PIGX: variants seen among roughly 807,000 people sequenced by gnomAD.
PIGX encodes GPI alpha-1,4-mannosyltransferase I, stabilizing subunit.
Under a neutral mutation model 28.7 loss-of-function variants are expected in PIGX, and 24 were observed. The observed-to-expected ratio is 0.84, with a 90% CI of 0.60 to 1.17. The LOEUF is 1.17. Ranked by LOEUF, PIGX falls within the 50% of genes most tolerant of loss-of-function variation. The pLI, the probability that PIGX is intolerant of heterozygous loss-of-function variation, is 0.00. For missense variants in PIGX, 305 were observed against 317.8 expected (o/e 0.96, Z 0.31); for synonymous variants, 127 against 121.0 (o/e 1.05, Z -0.33).
chr3:196,733,063 TAGAG>T lies in PIGX; in HGVS notation c.634-692_634-689del, dbSNP rs2108692247. Among the ~76,000 whole-genome samples, 1 of 152,324 alleles carries T rather than the reference TAGAG, an allele frequency of 6.6e-6. No homozygotes were observed. Among genetic ancestry groups the T allele is most frequent in the South Asian group, 2.1e-4 (1 of 4,830 alleles). Reference sequence around the variant, plus strand: ...ATGTTTTTCCTCTAAGTCTTCAATTTAGAGAGAATTCTGTATTCTAATTTGAAAC... The same window carrying T: ...ATGTTTTTCCTCTAAGTCTTCAATTTAGAATTCTGTATTCTAATTTGAAAC... On this transcript the variant is annotated intron_variant, in intron 5 of 5. Coordinates refer to ENST00000392391, the MANE Select transcript of PIGX (RefSeq NM_017861.4). This position sits in a 1 kb window ranked among gnomAD's most constrained non-coding sequence, Gnocchi z 4.3.
chr3:196,731,058 A>C lies in PIGX; in HGVS notation c.599A>C (p.Asp200Ala). The change falls in exon 5 of 6, where the codon GAT (aspartate) becomes GCT (alanine). Residue 200 changes from aspartate to alanine, a missense_variant. By Grantham distance (126) the Asp-to-Ala change is moderately radical. Transcript: ENST00000392391. ...GCCCCTTGTGCTTTGGAGAATGAGGATATCTGCCAATGGAACAAGATGAAG... is the reference window on the plus strand; with the variant it reads ...GCCCCTTGTGCTTTGGAGAATGAGGCTATCTGCCAATGGAACAAGATGAAG... The C allele has an allele frequency of 1.9e-6, 3 of 1,606,056 alleles. No individual in the cohort carries two copies. The highest frequency in any genetic ancestry group is 2.6e-6 in the Non-Finnish European group (3 of 1,172,798).
Position 196,733,022 on chromosome 3 carries a change from G to GT in PIGX, c.634-731dup, listed in dbSNP as rs1372974196. Among the ~76,000 whole-genome samples the GT allele has an allele frequency of 1.3e-5, 2 of 152,134 alleles. No homozygotes were observed. The highest frequency in any genetic ancestry group is 2.9e-5 in the Non-Finnish European group (2 of 68,016). On this transcript the variant is annotated intron_variant, in intron 5 of 5. Coordinates refer to ENST00000392391, the MANE Select transcript of PIGX (RefSeq NM_017861.4). This position sits in a 1 kb window ranked among gnomAD's most constrained non-coding sequence, Gnocchi z 4.3. Reference sequence around the variant, plus strand: ...CAAATGGGAATGAAAGAATAATTTAGTTTTTTGTTGTTTTAATGTTTTTCC... The same window carrying GT: ...CAAATGGGAATGAAAGAATAATTTAGTTTTTTTGTTGTTTTAATGTTTTTCC...
chr3:196,731,758 A>G (rs1712765066), intron 5 of PIGX, among the ~76,000 whole-genome samples: 1 of 152,122 alleles, frequency 6.6e-6, no homozygotes, highest in African/African-American at 2.4e-5. Context: ...TGATTTAGCA[A>G]ATTAGTGTGT....
At chr3:196,729,325 T>C (rs1453027502) in intron 4 of PIGX, among the ~76,000 whole-genome samples, 2 of 130,768 alleles carry the variant, frequency 1.5e-5, no homozygotes, top group East Asian at 4.4e-4. Context: ...AGAGCGAGAC[T>C]GCGTCTCAAA....
At chr3:196,714,565 G>A (rs1198904787) in intron 1 of PIGX, among the ~76,000 whole-genome samples, 1 of 151,338 alleles carries the variant, frequency 6.6e-6, no homozygotes, top group Non-Finnish European at 1.5e-5. Context: ...AGGTTCAAGC[G>A]ATTCTCCTGC....
At chr3:196,732,264 T>A (rs1181502288) in intron 5 of PIGX, among the ~76,000 whole-genome samples, 11 of 51,610 alleles carry the variant, frequency 2.1e-4, no homozygotes, top group African/African-American at 3.6e-4. Flanking sequence ...ATATTTTATT[T>A]TATTTTATTT....
intron 3 of PIGX, chr3:196,726,756 C>G (rs1214614058): frequency 2.2e-6 from 1 of 452,608 alleles, no homozygotes; most frequent in Non-Finnish European, 4.4e-6. Context: ...GCAAGAACAA[C>G]TGGTAAATGT....
intron 4 of PIGX, among the ~76,000 whole-genome samples, chr3:196,729,758 T>G (rs1367800241): frequency 4.6e-5 from 7 of 151,516 alleles, no homozygotes; most frequent in African/African-American, 1.7e-4. Context: ...TGGGTTGATT[T>G]AGAATGTTTA....
intron 4 of PIGX, among the ~76,000 whole-genome samples, chr3:196,729,158 C>T (rs112429105): frequency 2.6e-5 from 4 of 151,734 alleles, no homozygotes; most frequent in African/African-American, 9.7e-5. Context: ...ATGGTGAAAC[C>T]CCGTCTCTAC....
Position 196,733,686 on chromosome 3 carries a change from T to A in PIGX, c.634-73T>A, listed in dbSNP as rs1241975249. ...CCTTGGCCTCCCGAAGTGCTGGGAT[T>A]ACAGGCATGAGCTACCACACCGGGC... is the stretch of plus-strand genomic sequence containing the variant. On this transcript the variant is annotated intron_variant, in intron 5 of 5. Coordinates refer to ENST00000392391, the MANE Select transcript of PIGX (RefSeq NM_017861.4). This position sits in a 1 kb window ranked among gnomAD's most constrained non-coding sequence, Gnocchi z 4.3. The A allele has an allele frequency of 1.8e-6, 2 of 1,141,626 alleles. No individual in the cohort carries two copies. Among genetic ancestry groups the A allele is most frequent in the South Asian group, 2.6e-5 (2 of 75,866 alleles). The allele number at this position is 1,141,626 out of a possible 1,614,324, so 70.7% of individuals were successfully genotyped here. A position where few individuals can be genotyped will look rare whatever the true frequency, so the allele number is the denominator to read the frequency against.
At chr3:196,718,291 A>G (rs968353162) in intron 2 of PIGX, among the ~76,000 whole-genome samples, 4 of 152,064 alleles carry the variant, frequency 2.6e-5, no homozygotes, top group Non-Finnish European at 5.9e-5. Flanking sequence ...GCCTGGCAAC[A>G]GAGCGAGGCA....
At chr3:196,721,909 G>A (rs954714293) in intron 2 of PIGX, among the ~76,000 whole-genome samples, 6 of 151,974 alleles carry the variant, frequency 3.9e-5, no homozygotes, top group Non-Finnish European at 8.8e-5. Context: ...GTGCCACCAT[G>A]CCCGGCTAAA....
chr3:196,719,290 C>T (rs73203735), intron 2 of PIGX, among the ~76,000 whole-genome samples: 55,546 of 142,836 alleles, frequency 0.39, 10,670 homozygotes, highest in African/African-American at 0.47. Context: ...TCTTCTCCTT[C>T]TTTTCTTGCC....
intron 4 of PIGX, 56 bp downstream of exon 4, chr3:196,728,192 C>A: frequency 7.1e-7 from 1 of 1,409,602 alleles, no homozygotes; most frequent in Non-Finnish European, 1.0e-6. Context: ...GGTATGGTGG[C>A]AAGTCCTCCT....
chr3:196,730,985 T>C lies in PIGX; in HGVS notation c.533-7T>C, dbSNP rs1712728579. On this transcript the variant is annotated splice_polypyrimidine_tract_variant and splice_region_variant and intron_variant, in intron 4 of 5. Transcript: ENST00000392391. ...TTTCTGACATCATTTTCTACCACTT[T>C]TCTCAGAGTTCCCGATTTTGAAATG... 6.3e-7 allele frequency: 1 copy of C among 1,585,014 alleles called. No individual in the cohort carries two copies. The highest frequency in any genetic ancestry group is 1.1e-5 in the South Asian group (1 of 90,284).
intron 2 of PIGX, among the ~76,000 whole-genome samples, chr3:196,719,624 G>A (rs1195724318): frequency 2.0e-5 from 3 of 151,944 alleles, no homozygotes; most frequent in Non-Finnish European, 4.4e-5. Flanking sequence ...TATCAGGATA[G>A]CTTCATCTCC....
At chr3:196,727,080 G>A (rs1191205139) in intron 3 of PIGX, among the ~76,000 whole-genome samples, 1 of 152,196 alleles carries the variant, frequency 6.6e-6, no homozygotes, top group East Asian at 1.9e-4. Context: ...AAGTTAGGAT[G>A]CTTGATGTGA....
chr3:196,712,691 G>A, intron 1 of PIGX, 47 bp downstream of exon 1: 2 of 1,168,880 alleles, frequency 1.7e-6, no homozygotes, highest in African/African-American at 1.6e-5. Flanking sequence ...AGCGGTCCCG[G>A]CTCCCGGGCC....
rs570801138 is a variant in PIGX at position 196,724,725 on chromosome 3, G to A, written c.318+2169G>A. Among the ~76,000 whole-genome samples the A allele has an allele frequency of 1.3e-4, 20 of 152,244 alleles. No homozygotes were observed. In the South Asian group the frequency reaches 3.9e-3, roughly 30 times the overall value. The stretch of plus-strand genomic sequence containing the variant: ...GAAAAATAGATGTTACATTTGTGAC[G>A]TTTAAATATATGGAATTTGATGCCT... On this transcript the variant is annotated intron_variant, in intron 3 of 5. Coordinates refer to ENST00000392391, the MANE Select transcript of PIGX (RefSeq NM_017861.4).
Sources: gnomAD v4.1 joint callset for allele counts (sites outside exome capture counted in the v4.1 genomes callset) on GRCh38, gnomAD v4.1.1 for gene constraint, Gnocchi (gnomAD v3.1) non-coding constraint, MANE v1.5 for transcripts, NCBI Gene and HGNC (gene_info 2026-07-23, HGNC 2026-07-21) for gene names.